The following NOP9 variants were observed in gnomAD, a reference collection of about 807,000 sequenced individuals.
NOP9 encodes nucleolar protein 9.
A neutral mutation model predicts 63.0 loss-of-function variants in NOP9; 50 were observed. The ratio of observed to expected loss-of-function variants is 0.79; its 90% CI spans 0.63 to 1.00. The LOEUF is 1.00. Ranked by LOEUF, NOP9 falls within the 50% of genes least tolerant of loss-of-function variation. The pLI is 0.00. For synonymous variants in NOP9, 343 were observed against 332.8 expected, an observed-to-expected ratio of 1.03 and a Z score of -0.33; for missense variants, 758 against 803.0, an observed-to-expected ratio of 0.94 and a Z score of 0.68.
chr14:24,301,169 C>T (rs1451834682), intron 2 of NOP9, among the ~76,000 whole-genome samples: 1 of 152,066 alleles, frequency 6.6e-6, no homozygotes, highest in Non-Finnish European at 1.5e-5. Flanking sequence ...AGCAAAAGTT[C>T]AGGAAACTAT....
chr14:24,297,410 T>G (rs564530822), upstream of NOP9, among the ~76,000 whole-genome samples: 1 of 152,318 alleles, frequency 6.6e-6, no homozygotes, highest in South Asian at 2.1e-4. Flanking sequence ...TCTCTACAAA[T>G]GCCCACAAAC....
At chr14:24,297,482 A>G (rs1232069796), upstream of NOP9, among the ~76,000 whole-genome samples, 1 of 152,158 alleles carries the variant, frequency 6.6e-6, no homozygotes, top group Admixed American at 6.5e-5. Flanking sequence ...CTCCAAATTT[A>G]TGCTCTGGGT....
chr14:24,303,812 C>T lies in NOP9; in HGVS notation c.1365C>T (p.Tyr455=). The stretch of plus-strand genomic sequence containing the variant: ...CCACTTTGATGGCTTATGAGGTGTA[C>T]TATGGACTGACGGAGGAGGAGGGGG... ...LFATLMAYEV[Y]YGLTEEEGAV... Residue 455 remains tyrosine (Y), a synonymous_variant, in exon 7 of 10, where the codon TAC becomes TAT. Coordinates refer to ENST00000267425, the MANE Select transcript of NOP9 (RefSeq NM_174913.3). 1 of 1,614,194 alleles carries T rather than the reference C, an allele frequency of 6.2e-7. No homozygotes were observed. Among genetic ancestry groups the T allele is most frequent in the Non-Finnish European group, 8.5e-7 (1 of 1,180,030 alleles).
In NOP9 at chr14:24,303,120, T is replaced by A; in HGVS notation, c.1190T>A (p.Leu397Ter). The stretch of plus-strand genomic sequence containing the variant: ...CTGAGCCCTGTCTTGGAAGCTGTAT[T>A]GGCCCAGGGCCACCCAGGGGTAGTC... ...EELSPVLEAV[L>*]AQGHPGVVIA... The change falls in exon 6 of 10, where the codon TTG becomes TAG. Residue 397 changes from leucine to a stop codon, truncating the protein, a stop_gained. Transcript: ENST00000267425. LOFTEE classifies it high-confidence loss of function. 1.9e-6 allele frequency: 3 copies of A among 1,605,164 alleles called. No homozygotes were observed. The highest frequency in any genetic ancestry group is 2.5e-6 in the Non-Finnish European group (3 of 1,176,528).
chr14:24,305,192 G>T lies in NOP9; in HGVS notation c.*97G>T. 8.4e-7 allele frequency: 1 copy of T among 1,194,210 alleles called. No individual in the cohort carries two copies. The highest frequency in any genetic ancestry group is 3.0e-5 in the East Asian group (1 of 33,786). 74.0% of individuals were successfully genotyped at this position (1,194,210 alleles called of 1,614,324 possible). A position where few individuals can be genotyped will look rare whatever the true frequency, so the allele number is the denominator to read the frequency against. On this transcript the variant is annotated 3_prime_UTR_variant, in exon 10 of 10. Coordinates refer to ENST00000267425, the MANE Select transcript of NOP9 (RefSeq NM_174913.3). Reference sequence around the variant, plus strand: ...TTAAATTGGAGTCAGAAGTCTTAGTGGTAAATATTTGATATTTTTATTGGA... The same window carrying T: ...TTAAATTGGAGTCAGAAGTCTTAGTTGTAAATATTTGATATTTTTATTGGA...
At chr14:24,281,859 A>G in the NOP9 span, among the ~76,000 whole-genome samples, 1 of 145,176 alleles carries the variant, frequency 6.9e-6, no homozygotes, top group Non-Finnish European at 1.5e-5. Context: ...AGCTTTCACC[A>G]TTCTGCCCAG....
At chr14:24,302,798 G>T (rs999586527) in intron 5 of NOP9, among the ~76,000 whole-genome samples, 1 of 152,190 alleles carries the variant, frequency 6.6e-6, no homozygotes, top group Non-Finnish European at 1.5e-5. Context: ...TGCATTGGGT[G>T]TTAGAGTGGA....
At chr14:24,289,205 A>G in the NOP9 span, among the ~76,000 whole-genome samples, 1 of 151,992 alleles carries the variant, frequency 6.6e-6, no homozygotes, top group Non-Finnish European at 1.5e-5. Context: ...GATGGTCTCG[A>G]TCTCCTGACC....
upstream of NOP9, chr14:24,299,100 C>A (rs1230936037): frequency 1.2e-6 from 2 of 1,612,012 alleles, no homozygotes; most frequent in African/African-American, 2.7e-5. Context: ...TTCATGGGAG[C>A]TGCCATGACT....
At position 24,302,058 on chromosome 14, in the gene NOP9, A is replaced by G. The variant is rs2041387803; in HGVS notation, c.902A>G (p.Asn301Ser). Reference sequence around the variant, plus strand: ...CCCCAGTTTTGCGCTCATCTCTGCAATGCTGTGATTGGCTACCTGAGTACT... The same window carrying G: ...CCCCAGTTTTGCGCTCATCTCTGCAGTGCTGTGATTGGCTACCTGAGTACT... ...KLPQFCAHLCNAVIGYLSTRG... is the reference protein window; with the variant it reads ...KLPQFCAHLCSAVIGYLSTRG... The change falls in exon 4 of 10, where the codon AAT becomes AGT. Residue 301 changes from asparagine to serine, a missense_variant. Asn to Ser is a conservative substitution (Grantham distance 46). Coordinates refer to ENST00000267425, the MANE Select transcript of NOP9 (RefSeq NM_174913.3). 2 of 1,613,994 alleles carry G rather than the reference A, an allele frequency of 1.2e-6. No individual in the cohort carries two copies. The highest frequency in any genetic ancestry group is 1.6e-4 in the Middle Eastern group (1 of 6,080).
chr14:24,291,558 G>A, the NOP9 span: 110,225 of 1,613,984 alleles, frequency 0.068, 4,223 homozygotes, highest in African/African-American at 0.13. Context: ...AACTTCACCT[G>A]TTGCCAAAGC....
chr14:24,300,154 G>C lies in NOP9; in HGVS notation c.200G>C (p.Arg67Pro). The change falls in exon 1 of 10, where the codon CGG becomes CCG. Residue 67 changes from arginine (R) to proline (P), a missense_variant. Coordinates refer to ENST00000267425, the MANE Select transcript of NOP9 (RefSeq NM_174913.3). ...LSPEALGYFR[R>P]ALSALKEAPE... ...CCGGAAGCTCTGGGATATTTCCGCCGGGCGCTGTCAGCATTGAAAGAGGCT... is the reference window on the plus strand; with the variant it reads ...CCGGAAGCTCTGGGATATTTCCGCCCGGCGCTGTCAGCATTGAAAGAGGCT... The C allele has an allele frequency of 2.5e-6, 4 of 1,614,062 alleles. No individual in the cohort carries two copies. The highest frequency in any genetic ancestry group is 3.4e-6 in the Non-Finnish European group (4 of 1,180,016).
chr14:24,307,763 T>C lies in NOP9; in HGVS notation c.*2668T>C. 1 of 1,528,676 alleles carries C rather than the reference T, an allele frequency of 6.5e-7. No individual in the cohort carries two copies. Among genetic ancestry groups the C allele is most frequent in the Non-Finnish European group, 8.9e-7 (1 of 1,120,910 alleles). The allele number at this position is 1,528,676 out of a possible 1,614,324, so 94.7% of individuals were successfully genotyped here. A position where few individuals can be genotyped will look rare whatever the true frequency, so the allele number is the denominator to read the frequency against. On this transcript the variant is annotated 3_prime_UTR_variant, in exon 10 of 10. Coordinates refer to ENST00000267425, the MANE Select transcript of NOP9 (RefSeq NM_174913.3). Reference sequence around the variant, plus strand: ...CTCCTAGGGGCTGAGTGGAGTATTGTTGCCCTGCCTATATCCCCTAAAGGT... The same window carrying C: ...CTCCTAGGGGCTGAGTGGAGTATTGCTGCCCTGCCTATATCCCCTAAAGGT...
upstream of NOP9, chr14:24,296,968 TGA>T: frequency 1.3e-6 from 2 of 1,574,066 alleles, no homozygotes; most frequent in Non-Finnish European, 1.7e-6. Context: ...GCTTGAGAAC[TGA>T]GAAGACAATC....
At chr14:24,303,306 C>T (rs574199832) in intron 6 of NOP9, 92 bp downstream of exon 6, 23 of 1,511,084 alleles carry the variant, frequency 1.5e-5, no homozygotes, top group South Asian at 1.1e-4. Flanking sequence ...TACCTCTGGA[C>T]TCAGGAAGTC....
In NOP9 at chr14:24,305,049, C is replaced by T. The variant is rs759856552; in HGVS notation, c.1865C>T (p.Ala622Val). The T allele has an allele frequency of 3.2e-5, 51 of 1,596,250 alleles. No homozygotes were observed. The highest frequency in any genetic ancestry group is 6.8e-5 in the African/African-American group (5 of 73,998). Reference protein sequence around the residue: ...RREAWEQQQGAVAKRRRALNS... With the variant: ...RREAWEQQQGVVAKRRRALNS... ...GAGGCTTGGGAACAGCAGCAGGGTG[C>T]GGTGGCCAAGCGGAGGCGGGCATTG... The change falls in exon 10 of 10, where the codon GCG (alanine) becomes GTG (valine). Residue 622 changes from alanine to valine, a missense_variant. Ala to Val is a moderately conservative substitution (Grantham distance 64). Transcript: ENST00000267425.
chr14:24,292,160 T>C, the NOP9 span: 1 of 1,614,002 alleles, frequency 6.2e-7, no homozygotes, highest in Non-Finnish European at 8.5e-7. Context: ...TGTTCTCTGC[T>C]TCCTTCGCCC....
In NOP9 at chr14:24,304,111, T is replaced by A; in HGVS notation, c.1481T>A (p.Leu494Gln). The A allele has an allele frequency of 6.2e-7, 1 of 1,614,264 alleles. No individual in the cohort carries two copies. The highest frequency in any genetic ancestry group is 8.5e-7 in the Non-Finnish European group (1 of 1,180,042). The stretch of plus-strand genomic sequence containing the variant: ...GGGTCTCTACTGCTCCAGCATCTGC[T>A]GCACTTCTCCACTCCTGGTCTTGTA... ...VLGSLLLQHL[L>Q]HFSTPGLVLR... The change falls in exon 8 of 10, where the codon CTG (leucine) becomes CAG (glutamine). Residue 494 changes from leucine to glutamine, a missense_variant. By Grantham distance (113) the Leu-to-Gln change is moderately radical (BLOSUM62 -2). Transcript: ENST00000267425.
rs369140208 is a variant in NOP9, at chr14:24,304,205, T to C, written c.1575T>C (p.His525=). 8.1e-6 allele frequency: 13 copies of C among 1,614,094 alleles called. No individual in the cohort carries two copies. The highest frequency in any genetic ancestry group is 1.3e-5 in the African/African-American group (1 of 74,944). Residue 525 remains histidine (H), a synonymous_variant, in exon 8 of 10, where the codon CAT becomes CAC. Coordinates refer to ENST00000267425, the MANE Select transcript of NOP9 (RefSeq NM_174913.3). ...LSLAQSPAGS[H]VLDAILTSPS... ...TTGCCCAAAGTCCCGCTGGCTCTCATGTGCTCGATGCCATCCTGACCAGCC... is the reference window on the plus strand; with the variant it reads ...TTGCCCAAAGTCCCGCTGGCTCTCACGTGCTCGATGCCATCCTGACCAGCC...
Sources: allele counts gnomAD v4.1 joint callset (sites outside exome capture counted in the v4.1 genomes callset), GRCh38; gene constraint gnomAD v4.1.1; transcripts MANE v1.5; gene names NCBI Gene and HGNC (gene_info 2026-07-23, HGNC 2026-07-21).